Variants in LRP6 observed in about 807,000 individuals in gnomAD.
LRP6 encodes the protein low-density lipoprotein receptor-related protein 6.
In LRP6, 43 loss-of-function variants were observed where a neutral mutation model predicts 184.1. That is an observed-to-expected ratio of 0.23 (90% CI 0.18 to 0.30). The LOEUF (loss-of-function observed/expected upper bound fraction) is 0.30. Ranked by LOEUF, LRP6 falls within the 10% of genes least tolerant of loss-of-function variation. The probability of loss-of-function intolerance (pLI) is 1.00; values close to 1 mark genes in which losing one functional copy is unlikely to be tolerated. For missense variants in LRP6, 1,571 were observed against 2,005.3 expected (o/e 0.78, Z 4.14); for synonymous variants, 719 against 684.9 (o/e 1.05, Z -0.78).
chr12:12,236,840 A>G (rs1864942679), intron 2 of LRP6, among the ~76,000 whole-genome samples: 1 of 152,214 alleles, frequency 6.6e-6, no homozygotes, highest in Non-Finnish European at 1.5e-5. Flanking sequence ...AGCACAGGTG[A>G]TTCCATCCTA....
At chr12:12,236,715 A>G (rs941177409) in intron 2 of LRP6, among the ~76,000 whole-genome samples, 1 of 152,206 alleles carries the variant, frequency 6.6e-6, no homozygotes, top group Non-Finnish European at 1.5e-5. Context: ...TAGCTCACAG[A>G]ACTCCGGGAA....
chr12:12,240,697 A>C (rs1049270491), intron 2 of LRP6, among the ~76,000 whole-genome samples: 1 of 152,220 alleles, frequency 6.6e-6, no homozygotes. Context: ...AAAAAATCTA[A>C]AATGATTTGG....
intron 1 of LRP6, among the ~76,000 whole-genome samples, chr12:12,259,573 C>A (rs1865560752): frequency 6.6e-6 from 1 of 152,142 alleles, no homozygotes; most frequent in African/African-American, 2.4e-5. Context: ...TCTAGCCTCA[C>A]ACCCGAACAG....
intron 1 of LRP6, among the ~76,000 whole-genome samples, chr12:12,262,849 T>C (rs57415829): frequency 0.011 from 1,610 of 152,248 alleles, 21 homozygotes; most frequent in African/African-American, 0.037. Context: ...CCCTGCCCCA[T>C]CTTTAATTAA....
rs770488820 is a variant in LRP6, at chr12:12,266,925, G to A, written c.-190C>T. On this transcript the variant is annotated 5_prime_UTR_variant, in exon 1 of 23. The change creates a premature stop within an existing upstream ORF in the 5' untranslated region. Coordinates refer to ENST00000261349, the MANE Select transcript of LRP6 (RefSeq NM_002336.3). ...CGCCGCCCTCTCTACCGCGCCGCTC[G>A]GCCCCGGGCTCGCGCGACGCCAGCG... is the stretch of plus-strand genomic sequence containing the variant. 3 of 603,588 alleles carry A rather than the reference G, an allele frequency of 5.0e-6. No homozygotes were observed. Among genetic ancestry groups the A allele is most frequent in the Admixed American group, 3.1e-5 (1 of 32,716 alleles). The allele number at this position is 603,588 out of a possible 1,614,324, so 37.4% of individuals were successfully genotyped here.
At chr12:12,145,308 C>T (rs1397613755) in intron 15 of LRP6, among the ~76,000 whole-genome samples, 2 of 151,292 alleles carry the variant, frequency 1.3e-5, no homozygotes, top group African/African-American at 2.4e-5. Context: ...GGAAGGGAGG[C>T]ATTTGAACCT....
chr12:12,187,696 C>T (rs990845884), intron 3 of LRP6, among the ~76,000 whole-genome samples: 4 of 152,122 alleles, frequency 2.6e-5, no homozygotes, highest in Non-Finnish European at 4.4e-5. Context: ...GCACTCTCCC[C>T]GCAAACCCCA....
At chr12:12,243,816 T>C (rs1176233966) in intron 2 of LRP6, among the ~76,000 whole-genome samples, 1 of 152,196 alleles carries the variant, frequency 6.6e-6, no homozygotes, top group African/African-American at 2.4e-5. Flanking sequence ...AGTGGTGCGA[T>C]CTCAGCTCAC....
intron 2 of LRP6, among the ~76,000 whole-genome samples, chr12:12,207,161 G>A (rs1372855215): frequency 2.0e-5 from 3 of 152,176 alleles, no homozygotes; most frequent in Non-Finnish European, 4.4e-5. Context: ...ACCTTTCCCT[G>A]CAAGAGGGGA....
At chr12:12,250,962 G>A (rs574793543) in intron 1 of LRP6, among the ~76,000 whole-genome samples, 7 of 137,788 alleles carry the variant, frequency 5.1e-5, no homozygotes, top group East Asian at 2.3e-4. Context: ...ATGGGGTTTC[G>A]CTCTGTCACC....
intron 3 of LRP6, among the ~76,000 whole-genome samples, chr12:12,190,831 A>C (rs1863594169): frequency 6.6e-6 from 1 of 152,230 alleles, no homozygotes; most frequent in Admixed American, 6.5e-5. Context: ...ATATCTAAGA[A>C]GACAATGTCA....
intron 19 of LRP6, 146 bp from the exon 20 acceptor site, chr12:12,127,067 T>C (rs1949682657): frequency 9.9e-6 from 7 of 703,894 alleles, no homozygotes; most frequent in South Asian, 7.9e-5. Context: ...TATGAGTACA[T>C]ACATACCACG....
At chr12:12,239,066 C>T (rs1236508969) in intron 2 of LRP6, among the ~76,000 whole-genome samples, 1 of 152,152 alleles carries the variant, frequency 6.6e-6, no homozygotes, top group Non-Finnish European at 1.5e-5. Context: ...GCCTTGGTTT[C>T]TTCACCCAAA....
At chr12:12,191,499 A>T (rs1863614553) in intron 3 of LRP6, among the ~76,000 whole-genome samples, 1 of 152,224 alleles carries the variant, frequency 6.6e-6, no homozygotes, top group African/African-American at 2.4e-5. Flanking sequence ...AAACAGTTTC[A>T]CCTGAAAATA....
At chr12:12,157,431 C>G (rs1252101470) in intron 12 of LRP6, among the ~76,000 whole-genome samples, 1 of 152,086 alleles carries the variant, frequency 6.6e-6, no homozygotes, top group Non-Finnish European at 1.5e-5. Flanking sequence ...CATGTATTAT[C>G]TTTAATCTTC....
chr12:12,249,401 C>A, intron 1 of LRP6: 1 of 865,312 alleles, frequency 1.2e-6, no homozygotes, highest in Non-Finnish European at 2.0e-6. Flanking sequence ...ACTCCCTCAG[C>A]CACCTCAAGG....
chr12:12,196,468 G>T (rs1202440599), intron 3 of LRP6, among the ~76,000 whole-genome samples: 2 of 152,012 alleles, frequency 1.3e-5, no homozygotes, highest in South Asian at 2.1e-4. Flanking sequence ...TATTGTAAAT[G>T]ACACTGCCTT....
chr12:12,263,687 A>G (rs1395788593), intron 1 of LRP6, among the ~76,000 whole-genome samples: 1 of 151,816 alleles, frequency 6.6e-6, no homozygotes, highest in Non-Finnish European at 1.5e-5. Context: ...TATAAAAATT[A>G]GCCAAGTGTT....
intron 7 of LRP6, among the ~76,000 whole-genome samples, chr12:12,167,639 C>T (rs1046143227): frequency 5.6e-5 from 8 of 142,810 alleles, no homozygotes; most frequent in Admixed American, 1.4e-4. Flanking sequence ...GAGACTCTGT[C>T]TCAAAAAAAA....
Sources: allele counts gnomAD v4.1 joint callset (sites outside exome capture counted in the v4.1 genomes callset), GRCh38; gene constraint gnomAD v4.1.1; transcripts MANE v1.5; gene names NCBI Gene and HGNC (gene_info 2026-07-23, HGNC 2026-07-21).